Variants in LRRC45 observed in about 807,000 individuals in gnomAD.
LRRC45 encodes leucine-rich repeat-containing protein 45.
A neutral mutation model predicts 85.4 loss-of-function variants in LRRC45; 73 were observed. That is an observed-to-expected ratio of 0.85 (90% CI 0.71 to 1.04). The LOEUF is 1.04. Among genes scored for constraint, LRRC45 ranks in the 50% least tolerant of loss-of-function variants. The pLI is 0.00. For missense variants in LRRC45, 937 were observed against 883.3 expected, an observed-to-expected ratio of 1.06 and a Z score of -0.77; for synonymous variants, 429 against 386.0, an observed-to-expected ratio of 1.11 and a Z score of -1.31.
chr17:82,024,661 C>T (rs759619834), intron 2 of LRRC45, 32 bp from the exon 3 acceptor site: 17 of 1,560,108 alleles, frequency 1.1e-5, no homozygotes, highest in South Asian at 2.4e-5. Flanking sequence ...AGTCAGGGCA[C>T]GCGAGTGACT....
Position 82,028,157 on chromosome 17 carries a change from A to G in LRRC45, c.1047+11A>G. On this transcript the variant is annotated intron_variant, in intron 9 of 16. Coordinates refer to ENST00000306688, the MANE Select transcript of LRRC45 (RefSeq NM_144999.4). The stretch of plus-strand genomic sequence containing the variant: ...AAGCTGGAGCAGCAGGTGGGTGGGC[A>G]GGGCTTGAGAGGGGTGGGCCAAGGG... The G allele has an allele frequency of 2.6e-6, 4 of 1,560,400 alleles. No individual in the cohort carries two copies. Among genetic ancestry groups the G allele is most frequent in the Non-Finnish European group, 2.6e-6 (3 of 1,152,414 alleles).
chr17:82,026,564 T>TTGTGTGTGTGTG (rs550616399), intron 5 of LRRC45, among the ~76,000 whole-genome samples: 9,789 of 137,348 alleles, frequency 0.071, 467 homozygotes, highest in Admixed American at 0.1. Context: ...CACAGCTCCT[T>TTGTGTGTGTGTG]TGTGTGTGTG....
intron 5 of LRRC45, among the ~76,000 whole-genome samples, chr17:82,025,735 A>G (rs2043362751): frequency 3.3e-5 from 5 of 152,136 alleles, no homozygotes; most frequent in Admixed American, 6.5e-5. Flanking sequence ...AGTTCTTAGG[A>G]CCTGTGCAGT....
chr17:82,030,512 G>A, intron 16 of LRRC45, 46 bp downstream of exon 16: 1 of 1,526,978 alleles, frequency 6.5e-7, no homozygotes, highest in Non-Finnish European at 8.8e-7. Context: ...TGGGACGTGA[G>A]GCCAGCCAGA....
chr17:82,024,292 C>G lies in LRRC45; in HGVS notation c.235C>G (p.Leu79Val). The change falls in exon 2 of 17, where the codon CTC becomes GTC. Residue 79 changes from leucine (L) to valine (V), a missense_variant. By Grantham distance (32) the Leu-to-Val change is conservative. Coordinates refer to ENST00000306688, the MANE Select transcript of LRRC45 (RefSeq NM_144999.4). The part of the protein sequence containing the change: ...MLSEEGATLL[L>V]RGLCANTVLR... The stretch of plus-strand genomic sequence containing the variant: ...CCCTTACACAGGGGCCACACTGCTG[C>G]TCCGAGGCCTGTGTGCCAACACCGT... 6.2e-7 allele frequency: 1 copy of G among 1,612,338 alleles called. No homozygotes were observed. The highest frequency in any genetic ancestry group is 8.5e-7 in the Non-Finnish European group (1 of 1,179,936).
Position 82,023,373 on chromosome 17 carries a change from A to G in LRRC45, c.-271A>G. The G allele has an allele frequency of 2.2e-6, 1 of 460,986 alleles. No homozygotes were observed. The highest frequency in any genetic ancestry group is 3.8e-6 in the Non-Finnish European group (1 of 262,644). The allele number at this position is 460,986 out of a possible 1,614,324, so 28.6% of individuals were successfully genotyped here. On this transcript the variant is annotated 5_prime_UTR_variant, in exon 1 of 17. Transcript: ENST00000306688. ...CGGGGGTCGGGGCTGCAGGCGGGGC[A>G]GGGCTGGGTGGGGGCGCGCGACGCA...
chr17:82,029,070 C>T, intron 12 of LRRC45, 23 bp from the exon 13 acceptor site: 6 of 1,607,492 alleles, frequency 3.7e-6, no homozygotes, highest in Non-Finnish European at 5.1e-6. Flanking sequence ...CACTCTGGCC[C>T]CACAATCCCT....
chr17:82,026,837 C>T (rs2144143290), intron 5 of LRRC45, 62 bp from the exon 6 acceptor site: 3 of 1,420,674 alleles, frequency 2.1e-6, no homozygotes, highest in South Asian at 1.2e-5. Context: ...ACCTCGACCT[C>T]CCAAAGTGCT....
At chr17:82,029,454 C>T (rs1197568597) in intron 13 of LRRC45, 89 bp from the exon 14 acceptor site, 9 of 1,410,928 alleles carry the variant, frequency 6.4e-6, no homozygotes, top group African/African-American at 2.8e-5. Context: ...AGAGGAGCCC[C>T]CCTGGCTGGG....
chr17:82,030,413 C>T lies in LRRC45; in HGVS notation c.1763C>T (p.Ala588Val), dbSNP rs760852593. Residue 588 changes from alanine to valine, a missense_variant, in exon 16 of 17, where the codon GCG becomes GTG. Ala to Val is a moderately conservative substitution (Grantham distance 64). Transcript: ENST00000306688. Reference sequence around the variant, plus strand: ...AACGGCCGGCTGCAGGCGGAGCTGGCGGCTCAGGAGGCGCTGAGGGAGAAG... The same window carrying T: ...AACGGCCGGCTGCAGGCGGAGCTGGTGGCTCAGGAGGCGCTGAGGGAGAAG... ...EQNGRLQAELAAQEALREKAA... is the reference protein window; with the variant it reads ...EQNGRLQAELVAQEALREKAA... 1.3e-6 allele frequency: 2 copies of T among 1,549,336 alleles called. No individual in the cohort carries two copies. The highest frequency in any genetic ancestry group is 2.0e-5 in the Admixed American group (1 of 51,054).
At chr17:82,027,090 TG>T in intron 6 of LRRC45, 79 bp downstream of exon 6, 1 of 1,258,536 alleles carries the variant, frequency 7.9e-7, no homozygotes, top group Non-Finnish European at 1.1e-6. Context: ...CTCAGCCCCG[TG>T]GTCTGCCCAT....
chr17:82,030,882 C>T lies in LRRC45; in HGVS notation c.*77C>T. The T allele has an allele frequency of 9.0e-7, 1 of 1,117,098 alleles. No individual in the cohort carries two copies. The highest frequency in any genetic ancestry group is 3.1e-5 in the East Asian group (1 of 32,138). 69.2% of individuals were successfully genotyped at this position (1,117,098 alleles called of 1,614,324 possible). On this transcript the variant is annotated 3_prime_UTR_variant, in exon 17 of 17. Transcript: ENST00000306688. ...GATGGACCAGGGGCTGCGTCCCGCCCGCGCCGCCTCTTTGAGACCCGGGTC... is the reference window on the plus strand; with the variant it reads ...GATGGACCAGGGGCTGCGTCCCGCCTGCGCCGCCTCTTTGAGACCCGGGTC...
chr17:82,024,202 G>T (rs1459533924), intron 1 of LRRC45, 76 bp from the exon 2 acceptor site: 1 of 1,535,650 alleles, frequency 6.5e-7, no homozygotes, highest in Admixed American at 1.8e-5. Context: ...CTAGGGAGCT[G>T]CCCTGAAAAG....
intron 5 of LRRC45, among the ~76,000 whole-genome samples, chr17:82,026,095 C>G (rs1169493582): frequency 6.6e-6 from 1 of 152,240 alleles, no homozygotes; most frequent in Non-Finnish European, 1.5e-5. Context: ...GGGCTCATCC[C>G]TCCTGCTGGT....
At chr17:82,023,886 A>T in intron 1 of LRRC45, 23 bp downstream of exon 1, 1 of 1,541,344 alleles carries the variant, frequency 6.5e-7, no homozygotes, top group Non-Finnish European at 8.7e-7. Context: ...GGCGGGGTGG[A>T]TCCCTCTGCT....
At position 82,029,556 on chromosome 17, in the gene LRRC45, T is replaced by G. The variant is rs1313184895; in HGVS notation, c.1415T>G (p.Val472Gly). Residue 472 changes from valine (V) to glycine (G), a missense_variant, in exon 14 of 17, where the codon GTG (valine) becomes GGG (glycine). Val to Gly is a moderately radical substitution (Grantham distance 109, BLOSUM62 -3). Transcript: ENST00000306688. ...RLSLEEELSR[V>G]KAAALSERGQ... is the part of the protein sequence containing the mutation. ...CCATCTGTGCAGGAGCTGAGCCGAGTGAAAGCAGCGGCACTCAGCGAGCGT... is the reference window on the plus strand; with the variant it reads ...CCATCTGTGCAGGAGCTGAGCCGAGGGAAAGCAGCGGCACTCAGCGAGCGT... The G allele has an allele frequency of 6.4e-7, 1 of 1,573,458 alleles. No individual in the cohort carries two copies. The highest frequency in any genetic ancestry group is 1.4e-5 in the African/African-American group (1 of 73,608).
Position 82,023,842 on chromosome 17 carries a change from G to T in LRRC45, c.199G>T (p.Asp67Tyr). The T allele has an allele frequency of 6.4e-7, 1 of 1,563,630 alleles. No homozygotes were observed. Among genetic ancestry groups the T allele is most frequent in the Non-Finnish European group, 8.6e-7 (1 of 1,156,252 alleles). ...ETLCTELVLS[D>Y]CMLSEEGATL... ...GCTGTGCACGGAGCTGGTCCTGAGT[G>T]ACTGCATGCTCAGCGAGGAAGGTGG... Residue 67 changes from aspartate (D) to tyrosine (Y), a missense_variant, in exon 1 of 17, where the codon GAC becomes TAC. Asp to Tyr is a radical substitution (Grantham distance 160, BLOSUM62 -3). Transcript: ENST00000306688.
chr17:82,030,704 C>G lies in LRRC45; in HGVS notation c.1912C>G (p.Arg638Gly), dbSNP rs563428330. 5 of 1,499,264 alleles carry G rather than the reference C, an allele frequency of 3.3e-6. No homozygotes were observed. Among genetic ancestry groups the G allele is most frequent in the African/African-American group, 1.4e-5 (1 of 70,820 alleles). 92.9% of individuals were successfully genotyped at this position (1,499,264 alleles called of 1,614,324 possible). ...GCGGCTCCGGGAGGCGGAGATCGCCCGCATCCGGGACGAGGAGGCCCAGAG... is the reference window on the plus strand; with the variant it reads ...GCGGCTCCGGGAGGCGGAGATCGCCGGCATCCGGGACGAGGAGGCCCAGAG... ...KLRLREAEIA[R>G]IRDEEAQRAS... Residue 638 changes from arginine to glycine, a missense_variant, in exon 17 of 17, where the codon CGC becomes GGC. By Grantham distance (125) the Arg-to-Gly change is moderately radical. Transcript: ENST00000306688.
chr17:82,026,811 C>T (rs745738255), intron 5 of LRRC45, 88 bp from the exon 6 acceptor site: 420 of 1,016,852 alleles, frequency 4.1e-4, no homozygotes, highest in Non-Finnish European at 5.8e-4. Context: ...AACCCCTGAC[C>T]TCAGGTGATC....
Sources: allele counts gnomAD v4.1 joint callset (sites outside exome capture counted in the v4.1 genomes callset), GRCh38; gene constraint gnomAD v4.1.1; transcripts MANE v1.5; gene names NCBI Gene and HGNC (gene_info 2026-07-23, HGNC 2026-07-21).